UBE3A: variants seen among roughly 807,000 people sequenced by gnomAD.
The protein encoded by UBE3A is ubiquitin-protein ligase E3A.
Under a neutral mutation model 83.4 loss-of-function variants are expected in UBE3A, and 6 were observed. The ratio of observed to expected loss-of-function variants is 0.07; its 90% confidence interval spans 0.04 to 0.14. The LOEUF is 0.14. Among genes scored for constraint, UBE3A ranks in the 10% least tolerant of loss-of-function variants. The pLI is 1.00. For missense variants in UBE3A, 456 were observed against 1,036.1 expected, an observed-to-expected ratio of 0.44 and a Z score of 7.69; for synonymous variants, 337 against 355.4, an observed-to-expected ratio of 0.95 and a Z score of 0.58.
chr15:25,427,027 T>G (rs991922599), intron 1 of UBE3A, among the ~76,000 whole-genome samples: 1 of 152,056 alleles, frequency 6.6e-6, no homozygotes, highest in Non-Finnish European at 1.5e-5. Flanking sequence ...CTCAAGTGAC[T>G]CTCTCACCTC....
chr15:25,365,523 C>A (rs907022143), intron 6 of UBE3A, among the ~76,000 whole-genome samples: 1 of 151,670 alleles, frequency 6.6e-6, no homozygotes, highest in African/African-American at 2.4e-5. Context: ...CCGAGGCGGG[C>A]GGATCACGAG....
intron 1 of UBE3A, chr15:25,415,848 A>AG (rs200250993): frequency 2.4e-4 from 26 of 106,856 alleles, no homozygotes; most frequent in Middle Eastern, 4.5e-3. Context: ...CCCCTCTACA[A>AG]GAAAAAAAAA....
chr15:25,379,558 T>C (rs2081813178), intron 4 of UBE3A, among the ~76,000 whole-genome samples: 1 of 152,214 alleles, frequency 6.6e-6, no homozygotes, highest in Non-Finnish European at 1.5e-5. Context: ...TCTTCTTTTT[T>C]CCTCACTCCA....
At chr15:25,382,847 C>A in intron 4 of UBE3A, among the ~76,000 whole-genome samples, 1 of 151,804 alleles carries the variant, frequency 6.6e-6, no homozygotes, top group Non-Finnish European at 1.5e-5. Context: ...ATTTGATAAC[C>A]TTTGAGAACG....
At chr15:25,428,548 G>C (rs993319005) in intron 1 of UBE3A, among the ~76,000 whole-genome samples, 1 of 152,156 alleles carries the variant, frequency 6.6e-6, no homozygotes, top group Non-Finnish European at 1.5e-5. Flanking sequence ...TGGATGAAAT[G>C]ATCTTCATGG....
At chr15:25,435,039 G>A (rs894972275) in intron 1 of UBE3A, among the ~76,000 whole-genome samples, 1 of 140,206 alleles carries the variant, frequency 7.1e-6, no homozygotes, top group Non-Finnish European at 1.5e-5. Context: ...TACACTACGT[G>A]CCAGATACTG....
chr15:25,369,377 A>C (rs557360425), intron 6 of UBE3A, among the ~76,000 whole-genome samples: 142 of 144,514 alleles, frequency 9.8e-4, no homozygotes, highest in Non-Finnish European at 1.8e-3. Context: ...CCAGTAACAA[A>C]AAAAAAAAAA....
intron 4 of UBE3A, among the ~76,000 whole-genome samples, chr15:25,391,281 T>C (rs187089289): frequency 2.6e-5 from 4 of 152,326 alleles, no homozygotes; most frequent in African/African-American, 9.6e-5. Context: ...TGACATGAAG[T>C]AGCCAAAACA....
intron 1 of UBE3A, among the ~76,000 whole-genome samples, chr15:25,413,241 A>G (rs2090315221): frequency 6.6e-6 from 1 of 152,198 alleles, no homozygotes; most frequent in Non-Finnish European, 1.5e-5. Flanking sequence ...AATCTTATAA[A>G]TAAGTATAGT....
At chr15:25,414,903 G>A (rs1487165936) in intron 1 of UBE3A, among the ~76,000 whole-genome samples, 1 of 152,184 alleles carries the variant, frequency 6.6e-6, no homozygotes, top group Non-Finnish European at 1.5e-5. Context: ...GACTTCAAGA[G>A]AACATGTGTA....
At chr15:25,399,941 CAGAT>C (rs1888585198) in intron 4 of UBE3A, among the ~76,000 whole-genome samples, 1 of 152,030 alleles carries the variant, frequency 6.6e-6, no homozygotes, top group Non-Finnish European at 1.5e-5. Context: ...ATTTTGAAAT[CAGAT>C]AGTGTGATGT....
At chr15:25,398,816 A>C (rs76008012) in intron 4 of UBE3A, among the ~76,000 whole-genome samples, 2 of 40,828 alleles carry the variant, frequency 4.9e-5, no homozygotes, top group Admixed American at 3.9e-4. Flanking sequence ...TATATATATA[A>C]AAATACATAT....
rs1449513313 is a variant in UBE3A, at chr15:25,430,058, TATTATATATATATAATACATATATATAAG to T, written c.-165+8402_-165+8430del. Among the ~76,000 whole-genome samples the T allele has an allele frequency of 3.7e-5, 4 of 107,862 alleles. No individual in the cohort carries two copies. The East Asian group carries it at 1.3e-3, about 35-fold the overall frequency. 70.8% of individuals were successfully genotyped at this position (107,862 alleles called of 152,430 possible). On this transcript the variant is annotated intron_variant, in intron 1 of 12. Transcript: ENST00000648336. ...ATATATATATATATATATTTATATG[TATTATATATATATAATACATATATATAAG>T]ATTATATATATATTATATATATAAT...
At chr15:25,432,135 G>C (rs1385734092) in intron 1 of UBE3A, among the ~76,000 whole-genome samples, 1 of 152,182 alleles carries the variant, frequency 6.6e-6, no homozygotes, top group Admixed American at 6.5e-5. Context: ...AATCATCTGA[G>C]AAGAAAATAA....
chr15:25,372,262 G>T (rs924602817), intron 5 of UBE3A, among the ~76,000 whole-genome samples: 1 of 152,018 alleles, frequency 6.6e-6, no homozygotes, highest in Non-Finnish European at 1.5e-5. Flanking sequence ...AGACTAAGAA[G>T]GCAAGGTCTT....
chr15:25,407,862 T>C (rs562205925), intron 3 of UBE3A: 1 of 152,070 alleles, frequency 6.6e-6, no homozygotes, highest in Non-Finnish European at 1.5e-5. Context: ...AATGAATTTC[T>C]ACTCATCCTA....
At position 25,339,119 on chromosome 15, in the gene UBE3A, A is replaced by ATTTTTTTTTT; in HGVS notation, c.*17_*18insAAAAAAAAAA. On this transcript the variant is annotated 3_prime_UTR_variant, in exon 13 of 13. Transcript: ENST00000648336. ...TTTTTTCCTTCCTTTTTTTTGTTTT[A>ATTTTTTTTTT]TTTTGTTTTGTTTTGTTTTACAGCA... The ATTTTTTTTTT allele has an allele frequency of 2.1e-6, 3 of 1,429,770 alleles. No homozygotes were observed. The highest frequency in any genetic ancestry group is 2.8e-6 in the Non-Finnish European group (3 of 1,089,380). The allele number at this position is 1,429,770 out of a possible 1,614,324, so 88.6% of individuals were successfully genotyped here.
chr15:25,348,354 T>C (rs535980835), intron 11 of UBE3A, among the ~76,000 whole-genome samples: 7 of 152,300 alleles, frequency 4.6e-5, no homozygotes, highest in Non-Finnish European at 7.4e-5. Flanking sequence ...AAATGGACTC[T>C]TGGTTTTTAA....
intron 11 of UBE3A, among the ~76,000 whole-genome samples, chr15:25,342,609 T>TA (rs1370780241): frequency 1.3e-5 from 2 of 151,492 alleles, no homozygotes; most frequent in Non-Finnish European, 2.9e-5. Context: ...CTCACATCTC[T>TA]AAAAATCTAC....
Sources: gnomAD v4.1 joint callset for allele counts (sites outside exome capture counted in the v4.1 genomes callset) on GRCh38, gnomAD v4.1.1 for gene constraint, MANE v1.5 for transcripts, NCBI Gene and HGNC (gene_info 2026-07-23, HGNC 2026-07-21) for gene names.